TSHZ2: variants seen among roughly 807,000 people sequenced by gnomAD.
TSHZ2 encodes the protein teashirt zinc finger homeobox 2.
TSHZ2 carries 21 observed loss-of-function variants against 74.4 expected under a neutral mutation model. That is an observed-to-expected ratio of 0.28 (90% CI 0.20 to 0.41). The LOEUF (loss-of-function observed/expected upper bound fraction) is 0.41, where lower values mean the gene tolerates loss of function less well. TSHZ2 is among the 10% of genes least tolerant of loss of function. The pLI, the probability that TSHZ2 is intolerant of heterozygous loss-of-function variation, is 1.00. For missense variants in TSHZ2, 1,244 were observed against 1,293.5 expected (o/e 0.96, Z 0.59); for synonymous variants, 540 against 515.3 (o/e 1.05, Z -0.65).
At chr20:52,981,767 C>A (rs957666160) in intron 1 of TSHZ2, among the ~76,000 whole-genome samples, 9 of 152,212 alleles carry the variant, frequency 5.9e-5, no homozygotes, top group Non-Finnish European at 1.2e-4. Flanking sequence ...ATAGCACCAC[C>A]AACAACGGTA....
chr20:53,339,105 T>A (rs189447996), intron 2 of TSHZ2, among the ~76,000 whole-genome samples: 54 of 152,300 alleles, frequency 3.5e-4, no homozygotes, highest in Non-Finnish European at 6.0e-4. Flanking sequence ...CCTGTAACAG[T>A]TAAATACCTC....
At chr20:53,081,845 A>G (rs1985545173) in intron 1 of TSHZ2, among the ~76,000 whole-genome samples, 1 of 151,976 alleles carries the variant, frequency 6.6e-6, no homozygotes, top group African/African-American at 2.4e-5. Flanking sequence ...GAAACACACA[A>G]ACACCTTATA....
chr20:53,328,397 T>C (rs893408275), intron 2 of TSHZ2, among the ~76,000 whole-genome samples: 1 of 152,256 alleles, frequency 6.6e-6, no homozygotes, highest in African/African-American at 2.4e-5. Flanking sequence ...TCTCAGCATT[T>C]ACAGACTTAT....
At chr20:53,288,996 T>A (rs903277664) in intron 2 of TSHZ2, among the ~76,000 whole-genome samples, 2 of 152,066 alleles carry the variant, frequency 1.3e-5, no homozygotes, top group African/African-American at 4.8e-5. Flanking sequence ...GTCCCCAAAG[T>A]CCATTATATC....
chr20:53,302,022 C>T (rs144887658), intron 2 of TSHZ2, among the ~76,000 whole-genome samples: 95 of 152,286 alleles, frequency 6.2e-4, no homozygotes, highest in Admixed American at 5.9e-3. Flanking sequence ...GTTACCATAG[C>T]GATTTCGCAC....
At chr20:53,363,370 G>A (rs1486554883) in intron 2 of TSHZ2, among the ~76,000 whole-genome samples, 1 of 152,244 alleles carries the variant, frequency 6.6e-6, no homozygotes, top group Non-Finnish European at 1.5e-5. Flanking sequence ...GGGACATTGA[G>A]TGTAACAGGG....
intron 2 of TSHZ2, among the ~76,000 whole-genome samples, chr20:53,417,243 C>CACACACAGACACACACAG (rs1238576502): frequency 7.8e-5 from 2 of 25,634 alleles, no homozygotes; most frequent in Admixed American, 4.7e-4. Flanking sequence ...CACACACAGA[C>CACACACAGACACACACAG]ACACACACAC....
chr20:53,298,401 ACT>A (rs1991421687), intron 2 of TSHZ2, among the ~76,000 whole-genome samples: 1 of 152,250 alleles, frequency 6.6e-6, no homozygotes, highest in Non-Finnish European at 1.5e-5. Flanking sequence ...GGATGGATGG[ACT>A]ATGTGGACGG....
intron 2 of TSHZ2, among the ~76,000 whole-genome samples, chr20:53,403,342 T>C (rs192808076): frequency 6.6e-6 from 1 of 152,278 alleles, no homozygotes; most frequent in Admixed American, 6.5e-5. Flanking sequence ...ATAAATGAAA[T>C]TAACCCAGAT....
At chr20:53,245,588 T>G (rs1481778187) in intron 1 of TSHZ2, among the ~76,000 whole-genome samples, 1 of 152,244 alleles carries the variant, frequency 6.6e-6, no homozygotes, top group Non-Finnish European at 1.5e-5. Flanking sequence ...ACATCCAAAC[T>G]TCTCAAACTT....
intron 1 of TSHZ2, among the ~76,000 whole-genome samples, chr20:53,005,034 C>T (rs371970196): frequency 4.6e-5 from 7 of 152,200 alleles, no homozygotes; most frequent in Middle Eastern, 3.4e-3. Context: ...AGGTTTAAGC[C>T]GGGCCTGGTG....
intron 1 of TSHZ2, among the ~76,000 whole-genome samples, chr20:53,087,833 C>T (rs1261805200): frequency 1.3e-5 from 2 of 152,150 alleles, no homozygotes; most frequent in Non-Finnish European, 2.9e-5. Flanking sequence ...CAGGTAAATT[C>T]TTTTGGCATT....
chr20:53,276,335 G>A (rs763955878), intron 2 of TSHZ2, among the ~76,000 whole-genome samples: 1 of 152,170 alleles, frequency 6.6e-6, no homozygotes, highest in Non-Finnish European at 1.5e-5. Context: ...TGGCAAAAGG[G>A]CAATAGGATA....
At chr20:52,977,187 C>A (rs1981373670) in intron 1 of TSHZ2, among the ~76,000 whole-genome samples, 1 of 152,034 alleles carries the variant, frequency 6.6e-6, no homozygotes, top group Admixed American at 6.6e-5. Flanking sequence ...GAAATCTCAA[C>A]CAACAGGATG....
At chr20:53,193,352 G>A (rs773034276) in intron 1 of TSHZ2, among the ~76,000 whole-genome samples, 29 of 152,052 alleles carry the variant, frequency 1.9e-4, no homozygotes, top group Admixed American at 9.8e-4. Flanking sequence ...ACACATTGCC[G>A]TTCGCAATCC....
intron 2 of TSHZ2, among the ~76,000 whole-genome samples, chr20:53,266,398 T>C (rs1175974994): frequency 6.6e-6 from 1 of 152,170 alleles, no homozygotes; most frequent in African/African-American, 2.4e-5. Context: ...TTGATGTAAA[T>C]AACTGTACAC....
chr20:53,477,973 C>G (rs1307800119), intron 2 of TSHZ2, among the ~76,000 whole-genome samples: 1 of 143,746 alleles, frequency 7.0e-6, no homozygotes, highest in Non-Finnish European at 1.5e-5. Context: ...TACTATCTCA[C>G]ACTAGTTAGA....
intron 2 of TSHZ2, among the ~76,000 whole-genome samples, chr20:53,355,445 C>T (rs1980811269): frequency 6.6e-6 from 1 of 152,184 alleles, no homozygotes; most frequent in Non-Finnish European, 1.5e-5. Context: ...AGATGAATTA[C>T]TTGTTCATAC....
At chr20:53,188,559 G>T (rs751847660) in intron 1 of TSHZ2, among the ~76,000 whole-genome samples, 1 of 152,150 alleles carries the variant, frequency 6.6e-6, no homozygotes, top group Non-Finnish European at 1.5e-5. Context: ...AATGGAGAGG[G>T]TCTGTAGAAT....
Sources: gnomAD v4.1 joint callset for allele counts (sites outside exome capture counted in the v4.1 genomes callset) on GRCh38, gnomAD v4.1.1 for gene constraint, MANE v1.5 for transcripts, NCBI Gene and HGNC (gene_info 2026-07-23, HGNC 2026-07-21) for gene names.